Variants in CDH12 observed in about 807,000 individuals in gnomAD.
CDH12 encodes the protein cadherin-12.
CDH12 carries 41 observed loss-of-function variants against 74.1 expected under a neutral mutation model. That is an observed-to-expected ratio of 0.55 (90% CI 0.43 to 0.72). The LOEUF (loss-of-function observed/expected upper bound fraction) is 0.72, where lower values mean the gene tolerates loss of function less well. CDH12 is among the 30% of genes least tolerant of loss of function. The pLI is 0.00. For synonymous variants in CDH12, 399 were observed against 355.0 expected (o/e 1.12, Z -1.39); for missense variants, 945 against 977.2 (o/e 0.97, Z 0.44).
chr5:22,546,091 C>T (rs1010110658), intron 1 of CDH12, among the ~76,000 whole-genome samples: 2 of 151,974 alleles, frequency 1.3e-5, no homozygotes, highest in African/African-American at 4.8e-5. Context: ...ATTACAGGTG[C>T]CCACCACCAC....
At chr5:22,556,243 G>C (rs13180329) in intron 1 of CDH12, among the ~76,000 whole-genome samples, 21,919 of 151,998 alleles carry the variant, frequency 0.14, 1,685 homozygotes, top group South Asian at 0.21. Context: ...CTTTGGAAGG[G>C]TTGGAAGGGG....
At chr5:22,490,845 A>G (rs1407170108) in intron 2 of CDH12, among the ~76,000 whole-genome samples, 1 of 152,222 alleles carries the variant, frequency 6.6e-6, no homozygotes, top group Non-Finnish European at 1.5e-5. Flanking sequence ...TGAGAGATGC[A>G]GTCAACACTT....
chr5:22,720,396 C>A (rs756254731), intron 1 of CDH12, among the ~76,000 whole-genome samples: 7 of 152,156 alleles, frequency 4.6e-5, no homozygotes, highest in Non-Finnish European at 5.9e-5. Context: ...CCCATCCCTG[C>A]AGAACTGTGA....
intron 6 of CDH12, among the ~76,000 whole-genome samples, chr5:21,880,483 C>CCTCT (rs1752191951): frequency 6.0e-5 from 2 of 33,314 alleles, no homozygotes; most frequent in Admixed American, 4.5e-4. Context: ...TCCTTCCTTC[C>CCTCT]TTCCTTCCTT....
chr5:22,246,935 A>G (rs1189289203), intron 3 of CDH12, among the ~76,000 whole-genome samples: 2 of 152,208 alleles, frequency 1.3e-5, no homozygotes, highest in Admixed American at 1.3e-4. Flanking sequence ...TTGAAGAAAC[A>G]AAAGGATAAC....
Position 21,880,621 on chromosome 5 carries a change from T to C in CDH12, c.527-25831A>G, listed in dbSNP as rs868024929. 3.0e-3 allele frequency among the ~76,000 whole-genome samples: 146 copies of C among 48,638 alleles called. 1 individual carries two copies. Among genetic ancestry groups the C allele is most frequent in the African/African-American group, 0.01 (141 of 13,564 alleles). 31.9% of individuals were successfully genotyped at this position (48,638 alleles called of 152,430 possible). ...CTTCCTTCCTTCCTTCCTTCCTTCTTTCTTTCTTTCTTTCTTTCTTTCTTT... is the reference window on the plus strand; with the variant it reads ...CTTCCTTCCTTCCTTCCTTCCTTCTCTCTTTCTTTCTTTCTTTCTTTCTTT... On this transcript the variant is annotated intron_variant, in intron 6 of 14. Coordinates refer to ENST00000382254, the MANE Select transcript of CDH12 (RefSeq NM_004061.5).
chr5:22,049,572 G>C (rs1473047180), intron 5 of CDH12, among the ~76,000 whole-genome samples: 3 of 151,848 alleles, frequency 2.0e-5, no homozygotes, highest in South Asian at 2.1e-4. Flanking sequence ...ACTTCCTACT[G>C]GTTTCCATTT....
chr5:22,747,276 A>C (rs1745337667), intron 1 of CDH12, among the ~76,000 whole-genome samples: 1 of 152,168 alleles, frequency 6.6e-6, no homozygotes, highest in African/African-American at 2.4e-5. Context: ...ATTCAAACAA[A>C]GAAAATGTCC....
At chr5:21,842,019 G>A (rs555930117) in intron 8 of CDH12, 142 bp downstream of exon 8, 6 of 626,326 alleles carry the variant, frequency 9.6e-6, no homozygotes, top group African/African-American at 5.8e-5. Flanking sequence ...AAAAAAAAAA[G>A]ATTTGTAATT....
chr5:22,587,804 T>C (rs1289013222), intron 1 of CDH12, among the ~76,000 whole-genome samples: 1 of 151,654 alleles, frequency 6.6e-6, no homozygotes, highest in East Asian at 1.9e-4. Context: ...CAACATTCAA[T>C]AGATAGATAC....
intron 3 of CDH12, among the ~76,000 whole-genome samples, chr5:22,336,877 A>G (rs553573473): frequency 1.3e-5 from 2 of 152,298 alleles, no homozygotes; most frequent in Non-Finnish European, 2.9e-5. Flanking sequence ...CTCAAACCCC[A>G]TAATGGTAGA....
At chr5:21,862,024 A>G (rs1751073229) in intron 6 of CDH12, among the ~76,000 whole-genome samples, 1 of 150,986 alleles carries the variant, frequency 6.6e-6, no homozygotes, top group South Asian at 2.1e-4. Context: ...ATTTGGTTTC[A>G]TTTTTATGTG....
intron 6 of CDH12, among the ~76,000 whole-genome samples, chr5:21,909,440 T>G (rs1579947053): frequency 6.6e-6 from 1 of 152,170 alleles, no homozygotes; most frequent in East Asian, 1.9e-4. Context: ...AACTTTTTAT[T>G]TGGCACAAAA....
At chr5:21,780,508 G>A (rs1745846269) in intron 11 of CDH12, among the ~76,000 whole-genome samples, 1 of 152,198 alleles carries the variant, frequency 6.6e-6, no homozygotes, top group African/African-American at 2.4e-5. Flanking sequence ...CATCCATCTA[G>A]AGTTAAGGCA....
chr5:22,035,013 T>C (rs1042454403), intron 5 of CDH12, among the ~76,000 whole-genome samples: 1 of 152,166 alleles, frequency 6.6e-6, no homozygotes, highest in Non-Finnish European at 1.5e-5. Flanking sequence ...GAAATAACAT[T>C]GAAAAAATGA....
intron 5 of CDH12, among the ~76,000 whole-genome samples, chr5:22,035,365 A>G (rs1580147168): frequency 6.6e-6 from 1 of 151,534 alleles, no homozygotes; most frequent in South Asian, 2.1e-4. Flanking sequence ...TTGGGTAGTT[A>G]AGTTAATTTC....
At chr5:22,244,721 GAA>G (rs1404330844) in intron 3 of CDH12, among the ~76,000 whole-genome samples, 2 of 128,654 alleles carry the variant, frequency 1.6e-5, no homozygotes, top group Non-Finnish European at 3.2e-5. Context: ...AAGAGAGAGA[GAA>G]AGAAAAAGAA....
At chr5:21,879,660 G>A (rs1752137827) in intron 6 of CDH12, among the ~76,000 whole-genome samples, 1 of 152,100 alleles carries the variant, frequency 6.6e-6, no homozygotes, top group African/African-American at 2.4e-5. Flanking sequence ...TTTATGTATA[G>A]TATTTTTTAA....
At chr5:22,454,721 T>C (rs1466529938) in intron 2 of CDH12, among the ~76,000 whole-genome samples, 1 of 152,110 alleles carries the variant, frequency 6.6e-6, no homozygotes, top group African/African-American at 2.4e-5. Context: ...ATGATCCACC[T>C]AATCTAGCCT....
Sources: allele counts gnomAD v4.1 joint callset (sites outside exome capture counted in the v4.1 genomes callset), GRCh38; gene constraint gnomAD v4.1.1; transcripts MANE v1.5; gene names NCBI Gene and HGNC (gene_info 2026-07-23, HGNC 2026-07-21).